FMN1: variants seen among roughly 807,000 people sequenced by gnomAD.
FMN1 encodes the protein formin-1.
FMN1 carries 110 observed loss-of-function variants against 132.4 expected under a neutral mutation model. That is an observed-to-expected ratio of 0.83 (90% CI 0.71 to 0.97). The LOEUF is 0.97. Among genes scored for constraint, FMN1 ranks in the 50% least tolerant of loss-of-function variants. The probability of loss-of-function intolerance (pLI) is 0.00; values close to 1 mark genes in which losing one functional copy is unlikely to be tolerated. For missense variants in FMN1, 1,792 were observed against 1,705.3 expected, an observed-to-expected ratio of 1.05 and a Z score of -0.90; for synonymous variants, 722 against 651.7, an observed-to-expected ratio of 1.11 and a Z score of -1.64.
At chr15:32,981,976 CAA>C (rs2032711202) in intron 7 of FMN1, among the ~76,000 whole-genome samples, 1 of 151,884 alleles carries the variant, frequency 6.6e-6, no homozygotes, top group South Asian at 2.1e-4. Context: ...TGTTGGAAAA[CAA>C]ATAACGGACA....
intron 17 of FMN1, among the ~76,000 whole-genome samples, chr15:32,853,654 G>C (rs1388956184): frequency 1.3e-5 from 2 of 152,156 alleles, no homozygotes; most frequent in East Asian, 3.9e-4. Flanking sequence ...CTGCAATTTG[G>C]CAAAAACCCA....
chr15:32,788,984 T>C lies in FMN1; in HGVS notation c.4130+9820A>G, dbSNP rs532133589. On this transcript the variant is annotated intron_variant, in intron 19 of 20. Transcript: ENST00000616417. ...GCAAAAGCAACCCATATGGGATACA[T>C]TTAGGGACTTCTACCACCAAAACCC... 2.4e-4 allele frequency among the ~76,000 whole-genome samples: 36 copies of C among 152,348 alleles called. No homozygotes were observed. The South Asian group carries it at 6.8e-3, about 29-fold the overall frequency.
At chr15:33,116,787 G>A (rs922819445) in intron 4 of FMN1, among the ~76,000 whole-genome samples, 1 of 151,812 alleles carries the variant, frequency 6.6e-6, no homozygotes, top group South Asian at 2.1e-4. Context: ...AGTCGACAAA[G>A]TATAGGCCTT....
intron 6 of FMN1, among the ~76,000 whole-genome samples, chr15:33,042,669 C>CA (rs1278078675): frequency 1.3e-5 from 2 of 151,982 alleles, no homozygotes. Flanking sequence ...GGTGTTGGGG[C>CA]AACTGGTGAA....
At chr15:33,033,829 T>A (rs576973004) in intron 6 of FMN1, among the ~76,000 whole-genome samples, 14 of 152,298 alleles carry the variant, frequency 9.2e-5, no homozygotes, top group African/African-American at 3.4e-4. Flanking sequence ...GGCTTCCAAA[T>A]TCAATGGTTA....
chr15:32,957,064 C>A (rs972183423), intron 9 of FMN1, among the ~76,000 whole-genome samples: 1 of 152,000 alleles, frequency 6.6e-6, no homozygotes, highest in South Asian at 2.1e-4. Context: ...TGGGGAATAG[C>A]CATTATCTCA....
At chr15:32,925,590 C>A (rs983645354) in intron 10 of FMN1, among the ~76,000 whole-genome samples, 5 of 152,128 alleles carry the variant, frequency 3.3e-5, no homozygotes, top group Non-Finnish European at 4.4e-5. Flanking sequence ...AGAGACACGT[C>A]AAAGGCAATG....
At position 33,053,477 on chromosome 15, in the gene FMN1, G is replaced by A. The variant is rs117762230; in HGVS notation, c.2161+11480C>T. 3.6e-3 allele frequency among the ~76,000 whole-genome samples: 550 copies of A among 152,234 alleles called. 3 individuals are homozygous for A. Among genetic ancestry groups the A allele is most frequent in the Admixed American group, 6.3e-3 (96 of 15,298 alleles). On this transcript the variant is annotated intron_variant, in intron 6 of 20. Transcript: ENST00000616417. ...TGAGTGCAGCATGCCGAGTAGACGG[G>A]GTGCCCCTGCTGCAAGTTCGGGAAA...
intron 6 of FMN1, among the ~76,000 whole-genome samples, chr15:33,009,380 TCA>T (rs2034585629): frequency 1.3e-5 from 2 of 152,176 alleles, no homozygotes; most frequent in Admixed American, 1.3e-4. Context: ...CCTTGGTTTT[TCA>T]CGCAATTAGA....
chr15:33,123,177 T>C (rs576867737), intron 4 of FMN1, among the ~76,000 whole-genome samples: 1 of 151,714 alleles, frequency 6.6e-6, no homozygotes, highest in Non-Finnish European at 1.5e-5. Context: ...CATCCACTTA[T>C]TTCCAGGCCC....
chr15:32,809,924 T>A (rs571083670), intron 17 of FMN1, among the ~76,000 whole-genome samples: 30 of 152,224 alleles, frequency 2.0e-4, no homozygotes, highest in African/African-American at 6.5e-4. Context: ...AATACTTATT[T>A]TTTTTTTTCT....
At chr15:33,015,946 A>G (rs1566827894) in intron 6 of FMN1, among the ~76,000 whole-genome samples, 1 of 152,244 alleles carries the variant, frequency 6.6e-6, no homozygotes, top group Non-Finnish European at 1.5e-5. Flanking sequence ...CAGGAGCATC[A>G]GCATCACCTG....
intron 9 of FMN1, among the ~76,000 whole-genome samples, chr15:32,942,240 C>T (rs1030561520): frequency 6.6e-6 from 1 of 152,208 alleles, no homozygotes; most frequent in Non-Finnish European, 1.5e-5. Context: ...ATTATTATTC[C>T]TCACATATGT....
chr15:33,066,686 G>T (rs1322682829), intron 5 of FMN1: 1 of 1,613,598 alleles, frequency 6.2e-7, no homozygotes, highest in Non-Finnish European at 8.5e-7. Context: ...CTCCAGGGCT[G>T]TCTCTGGCGA....
intron 5 of FMN1, among the ~76,000 whole-genome samples, chr15:33,069,623 G>T (rs1396455674): frequency 6.6e-6 from 1 of 152,170 alleles, no homozygotes; most frequent in Admixed American, 6.5e-5. Flanking sequence ...TCAATACTGA[G>T]AAATTCTGAT....
chr15:33,007,679 A>G (rs1033328397), intron 7 of FMN1, among the ~76,000 whole-genome samples: 13 of 152,326 alleles, frequency 8.5e-5, no homozygotes, highest in African/African-American at 2.6e-4. Flanking sequence ...CTGAACAAAA[A>G]TAACTTCCAT....
intron 6 of FMN1, among the ~76,000 whole-genome samples, chr15:33,022,583 A>T (rs2141022323): frequency 6.6e-6 from 1 of 152,358 alleles, no homozygotes. Context: ...GAAAATTATA[A>T]CATAAAGCAA....
intron 17 of FMN1, among the ~76,000 whole-genome samples, chr15:32,831,919 A>G (rs2058513094): frequency 6.6e-6 from 1 of 152,132 alleles, no homozygotes; most frequent in Non-Finnish European, 1.5e-5. Flanking sequence ...ATTTCTGTGT[A>G]CCTGCCTAGA....
intron 5 of FMN1, among the ~76,000 whole-genome samples, chr15:33,072,005 TTTGTC>T (rs1167012591): frequency 7.2e-5 from 11 of 152,274 alleles, no homozygotes; most frequent in East Asian, 3.9e-4. Flanking sequence ...CTGATTCTCT[TTTGTC>T]TTGTCTTAAC....
Sources: gnomAD v4.1 joint callset for allele counts (sites outside exome capture counted in the v4.1 genomes callset) on GRCh38, gnomAD v4.1.1 for gene constraint, MANE v1.5 for transcripts, NCBI Gene and HGNC (gene_info 2026-07-23, HGNC 2026-07-21) for gene names.